The following PCDHGB1 variants were observed in gnomAD, a reference collection of about 807,000 sequenced individuals.
PCDHGB1 encodes the protein protocadherin gamma subfamily B, 1.
Under a neutral mutation model 56.6 loss-of-function variants are expected in PCDHGB1, and 34 were observed. That is an observed-to-expected ratio of 0.60 (90% CI 0.46 to 0.80). The LOEUF (loss-of-function observed/expected upper bound fraction) is 0.80, where lower values mean the gene tolerates loss of function less well. PCDHGB1 is among the 30% of genes least tolerant of loss of function. PCDHGB1 has a pLI of 0.00. For missense variants in PCDHGB1, 1,278 were observed against 1,204.6 expected (o/e 1.06, Z -0.90); for synonymous variants, 561 against 505.9 (o/e 1.11, Z -1.46).
At chr5:141,471,046 CTT>C (rs1170588345) in intron 1 of PCDHGB1, among the ~76,000 whole-genome samples, 2,578 of 113,210 alleles carry the variant, frequency 0.023, 53 homozygotes, top group East Asian at 0.11. Context: ...CCCAAGCCCT[CTT>C]TTTTTTTTTT....
rs751034521 is a variant in PCDHGB1, at chr5:141,405,112, C to A, written c.2409+52443C>A. ...TGGCCCTCAGGCTGAGGCACTGGCA[C>A]TCCTCGCATCTGCTGCGGGCTACCA... On this transcript the variant is annotated intron_variant, in intron 1 of 3. Coordinates refer to ENST00000523390, the MANE Select transcript of PCDHGB1 (RefSeq NM_018922.3). 4.5e-5 allele frequency: 73 copies of A among 1,613,868 alleles called. 1 individual carries two copies. The Middle Eastern group carries it at 5.9e-3, about 131-fold the overall frequency.
At chr5:141,439,934 G>T (rs1477526863) in intron 1 of PCDHGB1, 2 of 152,382 alleles carry the variant, frequency 1.3e-5, no homozygotes, top group Admixed American at 1.3e-4. Context: ...ATCCTGCTGG[G>T]CATTCTCTAT....
intron 1 of PCDHGB1, chr5:141,403,199 A>AC (rs1480420470): frequency 6.2e-7 from 1 of 1,613,812 alleles, no homozygotes; most frequent in African/African-American, 1.3e-5. Flanking sequence ...GCGCAGCGGC[A>AC]CCTTGGTCAC....
intron 3 of PCDHGB1, among the ~76,000 whole-genome samples, chr5:141,505,765 T>C (rs970212345): frequency 5.3e-5 from 8 of 151,922 alleles, no homozygotes; most frequent in African/African-American, 1.9e-4. Flanking sequence ...ACAGTGTAGC[T>C]CAGGTCCTAG....
chr5:141,388,509 C>T, intron 1 of PCDHGB1: 13 of 1,613,810 alleles, frequency 8.1e-6, no homozygotes, highest in Non-Finnish European at 1.1e-5. Flanking sequence ...GAAATCCTAC[C>T]ACTTGACTTT....
chr5:141,413,533 C>G, intron 1 of PCDHGB1: 1 of 1,613,934 alleles, frequency 6.2e-7, no homozygotes, highest in Non-Finnish European at 8.5e-7. Flanking sequence ...CAGGGTGAAA[C>G]TTTTTGGGAT....
rs1368226100 is a variant in PCDHGB1, at chr5:141,511,268, C to T, written c.*95C>T. The stretch of plus-strand genomic sequence containing the variant: ...CAGGCCTCAGAGTTTCAGGGCTAAC[C>T]CCCAGAATACTGGTAGGGGCCAAGG... On this transcript the variant is annotated 3_prime_UTR_variant, in exon 4 of 4. Coordinates refer to ENST00000523390, the MANE Select transcript of PCDHGB1 (RefSeq NM_018922.3). 1.9e-6 allele frequency: 3 copies of T among 1,546,408 alleles called. No individual in the cohort carries two copies. The highest frequency in any genetic ancestry group is 2.4e-5 in the East Asian group (1 of 41,246).
At chr5:141,394,493 C>G in intron 1 of PCDHGB1, 1 of 1,614,222 alleles carries the variant, frequency 6.2e-7, no homozygotes, top group Non-Finnish European at 8.5e-7. Flanking sequence ...ACAACGCGCC[C>G]GAGATCCTGT....
At position 141,493,444 on chromosome 5, in the gene PCDHGB1, G is replaced by T. The variant is rs2099748313; in HGVS notation, c.2410-1363G>T. On this transcript the variant is annotated intron_variant, in intron 1 of 3. Transcript: ENST00000523390. This position sits in a 1 kb window ranked among gnomAD's most constrained non-coding sequence, Gnocchi z 4.3. ...GCTTCTGCTGGGATGGGGCAAGGGT[G>T]GGGTTCCTTCCCTTTTAGGACCTTA... Among the ~76,000 whole-genome samples, 1 of 152,174 alleles carries T rather than the reference G, an allele frequency of 6.6e-6. No homozygotes were observed. Among genetic ancestry groups the T allele is most frequent in the South Asian group, 2.1e-4 (1 of 4,826 alleles).
At chr5:141,383,257 G>C in intron 1 of PCDHGB1, 1 of 1,613,922 alleles carries the variant, frequency 6.2e-7, no homozygotes, top group Non-Finnish European at 8.5e-7. Flanking sequence ...TTACCCTATA[G>C]ACGTGGAAAT....
chr5:141,414,087 A>G (rs377653676), intron 1 of PCDHGB1: 31 of 1,599,656 alleles, frequency 1.9e-5, no homozygotes, highest in Middle Eastern at 3.3e-4. Context: ...ATACTGGAGA[A>G]ATAAAAATAT....
chr5:141,405,583 T>C (rs868246551), intron 1 of PCDHGB1: 1 of 588,746 alleles, frequency 1.7e-6, no homozygotes. Flanking sequence ...TAGCTGGGAC[T>C]ACAGGCCTCC....
intron 1 of PCDHGB1, chr5:141,395,116 T>C (rs1255512461): frequency 1.9e-6 from 3 of 1,614,216 alleles, no homozygotes; most frequent in Admixed American, 3.3e-5. Context: ...AAGAGTCACC[T>C]GATCTTTCCC....
At chr5:141,405,978 T>G (rs1280230437) in intron 1 of PCDHGB1, among the ~76,000 whole-genome samples, 1 of 152,144 alleles carries the variant, frequency 6.6e-6, no homozygotes, top group Non-Finnish European at 1.5e-5. Context: ...TAAACCATAC[T>G]TCATGGGGTA....
At chr5:141,372,173 G>A (rs780828000) in intron 1 of PCDHGB1, 2 of 1,613,722 alleles carry the variant, frequency 1.2e-6, no homozygotes, top group Non-Finnish European at 1.7e-6. Context: ...AGGTGGTGGC[G>A]GTGGACGCAG....
intron 1 of PCDHGB1, among the ~76,000 whole-genome samples, chr5:141,386,802 A>T (rs1262742441): frequency 6.6e-6 from 1 of 152,248 alleles, no homozygotes; most frequent in East Asian, 1.9e-4. Context: ...AAAATTTATT[A>T]GATGCATAAA....
chr5:141,382,462 T>C (rs1481999551), intron 1 of PCDHGB1, among the ~76,000 whole-genome samples: 24 of 152,240 alleles, frequency 1.6e-4, no homozygotes, highest in Admixed American at 1.6e-3. Flanking sequence ...AGCAGTTTTT[T>C]AAAAATTATC....
chr5:141,372,630 A>G, intron 1 of PCDHGB1: 1 of 1,614,014 alleles, frequency 6.2e-7, no homozygotes, highest in Non-Finnish European at 8.5e-7. Flanking sequence ...CTACAGCGAA[A>G]GGACTTTGCC....
intron 1 of PCDHGB1, among the ~76,000 whole-genome samples, chr5:141,401,855 C>T (rs1188056656): frequency 1.3e-5 from 2 of 152,164 alleles, no homozygotes; most frequent in African/African-American, 2.4e-5. Flanking sequence ...TACTTTTAAC[C>T]TTTCAGTAGT....
Sources: gnomAD v4.1 joint callset for allele counts (sites outside exome capture counted in the v4.1 genomes callset) on GRCh38, gnomAD v4.1.1 for gene constraint, Gnocchi (gnomAD v3.1) non-coding constraint, MANE v1.5 for transcripts, NCBI Gene and HGNC (gene_info 2026-07-23, HGNC 2026-07-21) for gene names.